Variants in ZNF541 observed in about 807,000 individuals in gnomAD.
The protein encoded by ZNF541 is zinc finger protein 541.
In ZNF541, 23 loss-of-function variants were observed where a neutral mutation model predicts 123.5. The ratio of observed to expected loss-of-function variants is 0.19; its 90% CI spans 0.13 to 0.26. The LOEUF (loss-of-function observed/expected upper bound fraction) is 0.26. Among genes scored for constraint, ZNF541 ranks in the 10% least tolerant of loss-of-function variants. The pLI is 1.00. For missense variants in ZNF541, 1,612 were observed against 1,789.9 expected (o/e 0.90, Z 1.79); for synonymous variants, 751 against 754.5 (o/e 1.00, Z 0.08).
chr19:47,526,834 C>T (rs1969322346), intron 14 of ZNF541, among the ~76,000 whole-genome samples: 1 of 152,182 alleles, frequency 6.6e-6, no homozygotes, highest in Non-Finnish European at 1.5e-5. Flanking sequence ...GGTATTTACT[C>T]CTCTAGAAAA....
At chr19:47,534,351 G>A (rs1461249814) in intron 9 of ZNF541, among the ~76,000 whole-genome samples, 1 of 151,902 alleles carries the variant, frequency 6.6e-6, no homozygotes, top group Admixed American at 6.6e-5. Flanking sequence ...GAGACAGAAA[G>A]AAATATCTAA....
At chr19:47,541,348 T>C (rs112305815) in intron 5 of ZNF541, among the ~76,000 whole-genome samples, 17 of 152,050 alleles carry the variant, frequency 1.1e-4, no homozygotes, top group African/African-American at 4.1e-4. Context: ...AGCCAGGAGT[T>C]CAAGGTTGCA....
At position 47,545,082 on chromosome 19, in the gene ZNF541, CG is replaced by C; in HGVS notation, c.1446del (p.Ala483ArgfsTer68). ...GACCTGGGGTCGCTCGGGGCCTCCG[CG>C]GGGACCCTGAGGAGCGCGGCAGGGA... ...LPFPAALLRV[P>X]AEAPSDPRSA... On this transcript the variant is annotated frameshift_variant, in exon 5 of 17. Transcript: ENST00000391901. LOFTEE classifies it high-confidence loss of function. The surrounding 1 kb of genome is among the most constrained non-coding windows in gnomAD (Gnocchi z 7.5). 6.8e-7 allele frequency: 1 copy of C among 1,478,104 alleles called. No homozygotes were observed. The highest frequency in any genetic ancestry group is 8.9e-7 in the Non-Finnish European group (1 of 1,117,984). 91.6% of individuals were successfully genotyped at this position (1,478,104 alleles called of 1,614,324 possible). A position where few individuals can be genotyped will look rare whatever the true frequency, so the allele number is the denominator to read the frequency against.
chr19:47,545,685 T>A lies in ZNF541; in HGVS notation c.844A>T (p.Ile282Phe). The change falls in exon 5 of 17, where the codon ATC becomes TTC. Residue 282 changes from isoleucine to phenylalanine, a missense_variant. By Grantham distance (21) the Ile-to-Phe change is conservative (BLOSUM62 0). Coordinates refer to ENST00000391901, the MANE Select transcript of ZNF541 (RefSeq NM_001277075.3). The surrounding 1 kb of genome is among the most constrained non-coding windows in gnomAD (Gnocchi z 7.5). ...GGAGAAGGGGTCTTCTGGTGGACGA[T>A]GCTACTCACGATGCGGCGCAGGAGG... ...RDLLRRIVSS[I>F]VHQKTPSPGP... is the part of the protein sequence containing the mutation. 1.3e-6 allele frequency: 2 copies of A among 1,548,198 alleles called. No individual in the cohort carries two copies. The highest frequency in any genetic ancestry group is 2.4e-5 in the South Asian group (2 of 84,022).
intron 9 of ZNF541, among the ~76,000 whole-genome samples, chr19:47,533,776 G>A (rs1969692634): frequency 6.6e-6 from 1 of 152,198 alleles, no homozygotes; most frequent in Non-Finnish European, 1.5e-5. Context: ...GGGAGGCAGA[G>A]TGAGCCGAGA....
At chr19:47,553,666 A>G (rs1030103416) in intron 3 of ZNF541, among the ~76,000 whole-genome samples, 4 of 151,956 alleles carry the variant, frequency 2.6e-5, no homozygotes. Flanking sequence ...GGCCTCCCAA[A>G]GTGCTGGGAT....
chr19:47,566,919 C>T (rs1187415396), intron 2 of ZNF541, among the ~76,000 whole-genome samples: 2 of 150,712 alleles, frequency 1.3e-5, no homozygotes, highest in African/African-American at 4.9e-5. Flanking sequence ...GGCGTGGTGG[C>T]GGGTGCCTGT....
At chr19:47,554,266 A>G (rs1335111177) in intron 3 of ZNF541, among the ~76,000 whole-genome samples, 1 of 152,120 alleles carries the variant, frequency 6.6e-6, no homozygotes, top group East Asian at 1.9e-4. Flanking sequence ...CCCCTTCACT[A>G]CTAAAAATAC....
At chr19:47,525,083 A>C (rs1969222072) in intron 14 of ZNF541, among the ~76,000 whole-genome samples, 2 of 151,790 alleles carry the variant, frequency 1.3e-5, no homozygotes, top group South Asian at 2.1e-4. Flanking sequence ...TCAGGAGTTC[A>C]AGATCAGCCT....
chr19:47,555,987 A>T, intron 2 of ZNF541, 33 bp from the exon 3 acceptor site: 1 of 992,698 alleles, frequency 1.0e-6, no homozygotes, highest in Non-Finnish European at 1.5e-6. Flanking sequence ...GAAAGTTATT[A>T]GGTGGCAAAA....
At chr19:47,547,376 C>T (rs983173790) in intron 4 of ZNF541, among the ~76,000 whole-genome samples, 3 of 152,160 alleles carry the variant, frequency 2.0e-5, no homozygotes, top group African/African-American at 4.8e-5. Flanking sequence ...ATATGTATTG[C>T]ATCACACCTA....
In ZNF541 at chr19:47,521,227, C is replaced by A; in HGVS notation, c.4038G>T (p.Trp1346Cys). Residue 1346 changes from tryptophan (W) to cysteine (C), a missense_variant, in exon 17 of 17, where the codon TGG becomes TGT. By Grantham distance (215) the Trp-to-Cys change is radical. Around this residue, in one of 5 missense-constraint regions of ZNF541, gnomAD observed 30 missense variants for 48.9 expected, o/e 0.61. Coordinates refer to ENST00000391901, the MANE Select transcript of ZNF541 (RefSeq NM_001277075.3). The surrounding 1 kb of genome is among the most constrained non-coding windows in gnomAD (Gnocchi z 4.2). ...ELGADIGPLQ[W>C] ...TTCGGACTTGCTGCCACGGGAGTCA[C>A]CACTGCAGGGGGCCGATGTCAGCTC... The A allele has an allele frequency of 2.6e-6, 4 of 1,551,402 alleles. No individual in the cohort carries two copies. The highest frequency in any genetic ancestry group is 3.5e-6 in the Non-Finnish European group (4 of 1,146,880).
rs753336272 is a variant in ZNF541 at position 47,549,389 on chromosome 19, G to A, written c.404C>T (p.Pro135Leu). 3.5e-5 allele frequency: 54 copies of A among 1,551,586 alleles called. No homozygotes were observed. In the African/African-American group the frequency reaches 6.8e-4, roughly 20 times the overall value. Residue 135 changes from proline to leucine, a missense_variant, in exon 4 of 17, where the codon CCT becomes CTT. Around this residue, in one of 5 missense-constraint regions of ZNF541, gnomAD observed 212 missense variants for 289.6 expected, o/e 0.73. Transcript: ENST00000391901. ...GCTGCAGTCCAGAAGTGGGTTTTGAGGGGAACTGTGCTGCCGCTTTCCTTT... is the reference window on the plus strand; with the variant it reads ...GCTGCAGTCCAGAAGTGGGTTTTGAAGGGAACTGTGCTGCCGCTTTCCTTT... ...ARKGKRQHSS[P>L]QNPLLDCSLC... is the part of the protein sequence containing the mutation.
chr19:47,556,581 A>G (rs1257336027), intron 2 of ZNF541, among the ~76,000 whole-genome samples: 1 of 151,844 alleles, frequency 6.6e-6, no homozygotes, highest in Non-Finnish European at 1.5e-5. Context: ...AAGTGCTGGG[A>G]TTACAGGTGT....
chr19:47,571,196 T>C (rs1188994953), intron 2 of ZNF541, among the ~76,000 whole-genome samples: 1 of 150,738 alleles, frequency 6.6e-6, no homozygotes, highest in Non-Finnish European at 1.5e-5. Flanking sequence ...CACCACAACC[T>C]CCGCCTCCCA....
intron 9 of ZNF541, among the ~76,000 whole-genome samples, chr19:47,536,243 C>T (rs982375763): frequency 2.0e-5 from 3 of 152,162 alleles, no homozygotes; most frequent in African/African-American, 7.2e-5. Flanking sequence ...ATGAACATGT[C>T]ACAGTGCTGC....
chr19:47,526,505 A>AGAAAG (rs1969306017), intron 14 of ZNF541, among the ~76,000 whole-genome samples: 1 of 151,324 alleles, frequency 6.6e-6, no homozygotes, highest in South Asian at 2.1e-4. Flanking sequence ...AAAAAAGAAA[A>AGAAAG]CACAGACATC....
Position 47,570,576 on chromosome 19 carries a change from TAAAAAAAA to T in ZNF541, c.-99+1312_-99+1319del, listed in dbSNP as rs35955168. The stretch of plus-strand genomic sequence containing the variant: ...TGGGCGACAGAGCAAGACTCTGTCC[TAAAAAAAA>T]AAAAAAAAAAAAAAAAGCGCATTTT... On this transcript the variant is annotated intron_variant, in intron 2 of 16. Coordinates refer to ENST00000391901, the MANE Select transcript of ZNF541 (RefSeq NM_001277075.3). Among the ~76,000 whole-genome samples, 304 of 58,854 alleles carry T rather than the reference TAAAAAAAA, an allele frequency of 5.2e-3. 1 individual carries two copies. Among genetic ancestry groups the T allele is most frequent in the African/African-American group, 0.019 (285 of 14,764 alleles). The allele number at this position is 58,854 out of a possible 152,430, so 38.6% of individuals were successfully genotyped here.
upstream of ZNF541, among the ~76,000 whole-genome samples, chr19:47,573,157 C>G (rs1214375943): frequency 2.7e-5 from 4 of 149,412 alleles, no homozygotes; most frequent in Non-Finnish European, 6.0e-5. Flanking sequence ...CCGCCTTCCC[C>G]GCGCCGCCCG....
Sources: allele counts gnomAD v4.1 joint callset (sites outside exome capture counted in the v4.1 genomes callset), GRCh38; gene constraint gnomAD v4.1.1; regional missense constraint gnomAD v4.1.1; non-coding constraint Gnocchi (gnomAD v3.1); transcripts MANE v1.5; gene names NCBI Gene and HGNC (gene_info 2026-07-23, HGNC 2026-07-21).